The following THBS2 variants were observed in gnomAD, a reference collection of about 807,000 sequenced individuals.
The protein encoded by THBS2 is thrombospondin-2.
A neutral mutation model predicts 135.2 loss-of-function variants in THBS2; 47 were observed. The ratio of observed to expected loss-of-function variants is 0.35; its 90% CI spans 0.28 to 0.44. The LOEUF (loss-of-function observed/expected upper bound fraction) is 0.44. Among genes scored for constraint, THBS2 ranks in the 20% least tolerant of loss-of-function variants. The pLI is 1.00. For synonymous variants in THBS2, 639 were observed against 633.8 expected, an observed-to-expected ratio of 1.01 and a Z score of -0.12; for missense variants, 1,288 against 1,603.1, an observed-to-expected ratio of 0.80 and a Z score of 3.36.
Position 169,253,834 on chromosome 6 carries a change from G to C in THBS2, c.-133C>G, listed in dbSNP as rs1213045262. ...CCGGCCCTGCAGTGCAGGATGCTCC[G>C]GTGGACGTGGCCGAGCGGCTCCCGG... On this transcript the variant is annotated 5_prime_UTR_variant, in exon 1 of 22. Coordinates refer to ENST00000617924, the MANE Select transcript of THBS2 (RefSeq NM_003247.5). 6.6e-6 allele frequency: 1 copy of C among 152,262 alleles called. No homozygotes were observed. The highest frequency in any genetic ancestry group is 1.9e-4 in the East Asian group (1 of 5,200). The allele number at this position is 152,262 out of a possible 1,614,324, so 9.4% of individuals were successfully genotyped here.
chr6:169,220,230 A>G lies in THBS2; in HGVS notation c.3479T>C (p.Val1160Ala). ...LGLFVFSQEM[V>A]YFSDLKYECR... ...TTCGTACTTGAGGTCTGAGAAATAG[A>G]CCATTTCTTGAGAGAAGACAAATAG... The change falls in exon 21 of 22, where the codon GTC becomes GCC. Residue 1160 changes from valine to alanine, a missense_variant. By Grantham distance (64) the Val-to-Ala change is moderately conservative (BLOSUM62 0). Transcript: ENST00000617924. The G allele has an allele frequency of 6.2e-7, 1 of 1,613,796 alleles. No individual in the cohort carries two copies. The highest frequency in any genetic ancestry group is 8.5e-7 in the Non-Finnish European group (1 of 1,179,888).
chr6:169,231,719 G>A (rs997097022), intron 13 of THBS2, among the ~76,000 whole-genome samples: 1 of 152,208 alleles, frequency 6.6e-6, no homozygotes, highest in African/African-American at 2.4e-5. Context: ...AACGATGCGC[G>A]CAATTGCAAA....
In THBS2 at chr6:169,245,700, A is replaced by C. The variant is rs527519191; in HGVS notation, c.694+497T>G. 2.6e-5 allele frequency among the ~76,000 whole-genome samples: 4 copies of C among 151,720 alleles called. No individual in the cohort carries two copies. The East Asian group carries it at 7.8e-4, about 30-fold the overall frequency. On this transcript the variant is annotated intron_variant, in intron 4 of 21. Coordinates refer to ENST00000617924, the MANE Select transcript of THBS2 (RefSeq NM_003247.5). ...CCAGCTACTCAGGAGGCTGAGGCAG[A>C]AGAGTGGCGTGAACCCAGGAGGCAG...
In THBS2 at chr6:169,217,649, C is replaced by G; in HGVS notation, c.*173G>C. 1 of 599,540 alleles carries G rather than the reference C, an allele frequency of 1.7e-6. No individual in the cohort carries two copies. 37.1% of individuals were successfully genotyped at this position (599,540 alleles called of 1,614,324 possible). A position where few individuals can be genotyped will look rare whatever the true frequency, so the allele number is the denominator to read the frequency against. The stretch of plus-strand genomic sequence containing the variant: ...ATCTCTGAGTTCCATTGATATTTAT[C>G]CTCTGAAGGCACTTGGGTTTGGGGT... On this transcript the variant is annotated 3_prime_UTR_variant, in exon 22 of 22. Transcript: ENST00000617924.
Position 169,229,581 on chromosome 6 carries a change from G to A in THBS2, c.2250C>T (p.Thr750=), listed in dbSNP as rs143333491. The A allele has an allele frequency of 1.9e-5, 31 of 1,613,654 alleles. No individual in the cohort carries two copies. Among genetic ancestry groups the A allele is most frequent in the Middle Eastern group, 1.6e-4 (1 of 6,084 alleles). The part of the protein sequence containing the change: ...CDDDDDNDGV[T]DEKDNCQLLF... ...CACAAGCTGCTCCTACCTTCTCATC[G>A]GTCACACCGTCATTGTCATCGTCAT... is the stretch of plus-strand genomic sequence containing the variant. Residue 750 remains threonine (T), a synonymous_variant, in exon 14 of 22, where the codon ACC becomes ACT. Coordinates refer to ENST00000617924, the MANE Select transcript of THBS2 (RefSeq NM_003247.5).
chr6:169,240,432 G>A lies in THBS2; in HGVS notation c.1032+20C>T, dbSNP rs1458631584. The stretch of plus-strand genomic sequence containing the variant: ...CCGATGGTGGCCTCTTCCCCCAAGA[G>A]CCGTGTTCTGGGGCCTCACCTTGCA... On this transcript the variant is annotated intron_variant, in intron 6 of 21. Transcript: ENST00000617924. 2.5e-6 allele frequency: 4 copies of A among 1,611,122 alleles called. No homozygotes were observed. In the African/African-American group the frequency reaches 5.3e-5, roughly 22 times the overall value.
chr6:169,223,185 C>T, intron 18 of THBS2, 63 bp downstream of exon 18: 1 of 1,487,360 alleles, frequency 6.7e-7, no homozygotes, highest in Non-Finnish European at 9.2e-7. Flanking sequence ...GTGCAGTCTG[C>T]ATCTTCTGTG....
Position 169,226,234 on chromosome 6 carries a change from A to G in THBS2, c.2484T>C (p.Gly828=). ...VYNTDQRDTD[G]DGVGDHCDNC... is the part of the protein sequence containing the mutation. ...TGTCACAGTGATCCCCCACACCGTC[A>G]CCATCCGTGTCCCTCTGGTCAGTGT... Residue 828 remains glycine, a synonymous_variant, in exon 16 of 22, where the codon GGT becomes GGC. Coordinates refer to ENST00000617924, the MANE Select transcript of THBS2 (RefSeq NM_003247.5). 6.2e-7 allele frequency: 1 copy of G among 1,614,180 alleles called. No homozygotes were observed. Among genetic ancestry groups the G allele is most frequent in the Non-Finnish European group, 8.5e-7 (1 of 1,180,020 alleles).
intron 4 of THBS2, 132 bp from the exon 5 acceptor site, chr6:169,242,090 T>C (rs1264369832): frequency 1.9e-6 from 2 of 1,033,420 alleles, no homozygotes; most frequent in Admixed American, 2.7e-5. Context: ...GGCGGAGGAC[T>C]GGGCCAGCAG....
chr6:169,240,321 A>C, intron 6 of THBS2, 131 bp downstream of exon 6: 1 of 1,270,994 alleles, frequency 7.9e-7, no homozygotes, highest in Non-Finnish European at 1.1e-6. Flanking sequence ...TGTTTCTTAC[A>C]CTGAAATTTC....
Position 169,241,670 on chromosome 6 carries a change from C to T in THBS2, c.891+92G>A. The stretch of plus-strand genomic sequence containing the variant: ...TTTTTACATCGAGCATGAGGCACTG[C>T]CAAGCCAGGGAATGTTGATACCTGC... On this transcript the variant is annotated intron_variant, in intron 5 of 21. Coordinates refer to ENST00000617924, the MANE Select transcript of THBS2 (RefSeq NM_003247.5). The surrounding 1 kb of genome is among the most constrained non-coding windows in gnomAD (Gnocchi z 5.5). 7.3e-7 allele frequency: 1 copy of T among 1,369,454 alleles called. No individual in the cohort carries two copies. Among genetic ancestry groups the T allele is most frequent in the Non-Finnish European group, 1.0e-6 (1 of 999,832 alleles). 84.8% of individuals were successfully genotyped at this position (1,369,454 alleles called of 1,614,324 possible).
chr6:169,237,840 G>A (rs1280369324), intron 7 of THBS2, 45 bp from the exon 8 acceptor site: 3 of 1,587,446 alleles, frequency 1.9e-6, no homozygotes, highest in African/African-American at 2.7e-5. Context: ...CTGCCTCACA[G>A]ACGTGCCACA....
intron 16 of THBS2, 30 bp from the exon 17 acceptor site, chr6:169,225,409 G>A (rs1313456346): frequency 6.5e-7 from 1 of 1,546,294 alleles, no homozygotes; most frequent in Non-Finnish European, 8.8e-7. Context: ...AGAAACAGCA[G>A]AGGACTGCCA....
intron 3 of THBS2, among the ~76,000 whole-genome samples, chr6:169,247,164 TGAC>T (rs1780579188): frequency 6.6e-6 from 1 of 152,224 alleles, no homozygotes; most frequent in Admixed American, 6.5e-5. Context: ...CAATCTCAAC[TGAC>T]GATAATTAGT....
intron 13 of THBS2, among the ~76,000 whole-genome samples, 185 bp downstream of exon 13, chr6:169,231,795 T>C (rs1779843895): frequency 6.6e-6 from 1 of 152,100 alleles, no homozygotes; most frequent in African/African-American, 2.4e-5. Flanking sequence ...TGCCTGTGTC[T>C]ACTAAGGACC....
At position 169,241,681 on chromosome 6, in the gene THBS2, AATGTTG is replaced by A. The variant is rs1780302992; in HGVS notation, c.891+75_891+80del. ...AGCATGAGGCACTGCCAAGCCAGGG[AATGTTG>A]ATACCTGCTGAGATGGGCCAGCGGC... On this transcript the variant is annotated intron_variant, in intron 5 of 21. Coordinates refer to ENST00000617924, the MANE Select transcript of THBS2 (RefSeq NM_003247.5). The surrounding 1 kb of genome is among the most constrained non-coding windows in gnomAD (Gnocchi z 5.5). The A allele has an allele frequency of 2.8e-6, 4 of 1,410,476 alleles. No individual in the cohort carries two copies. The South Asian group carries it at 4.1e-5, about 14-fold the overall frequency. 87.4% of individuals were successfully genotyped at this position (1,410,476 alleles called of 1,614,324 possible).
At chr6:169,239,023 C>T (rs541115808) in intron 7 of THBS2, among the ~76,000 whole-genome samples, 15 of 152,226 alleles carry the variant, frequency 9.9e-5, no homozygotes, top group South Asian at 6.2e-4. Context: ...AGCACAGAGA[C>T]CTGAGGGCAG....
At position 169,248,498 on chromosome 6, in the gene THBS2, G is replaced by A. The variant is rs546944328; in HGVS notation, c.528C>T (p.Asp176=). Residue 176 remains aspartate, a synonymous_variant, in exon 3 of 22, where the codon GAC becomes GAT. Transcript: ENST00000617924. ...CCTGCAGGTGCTCGTAGAAGGGCTC[G>A]TCCAGAGCGAAGCTGTCTATGAGGT... ...GCDLIDSFAL[D]EPFYEHLQAE... The A allele has an allele frequency of 2.2e-5, 36 of 1,613,864 alleles. No individual in the cohort carries two copies. The highest frequency in any genetic ancestry group is 2.0e-4 in the Admixed American group (12 of 60,012).
chr6:169,252,462 A>T lies in THBS2; in HGVS notation c.-23+1262T>A, dbSNP rs1188680852. ...CCTGCAGAGGCCAGCCAAGAACAGGATGGTAAATGCGAAAGTTCTGGATGC... is the reference window on the plus strand; with the variant it reads ...CCTGCAGAGGCCAGCCAAGAACAGGTTGGTAAATGCGAAAGTTCTGGATGC... On this transcript the variant is annotated intron_variant, in intron 1 of 21. Coordinates refer to ENST00000617924, the MANE Select transcript of THBS2 (RefSeq NM_003247.5). The surrounding 1 kb of genome is among the most constrained non-coding windows in gnomAD (Gnocchi z 4.3). Among the ~76,000 whole-genome samples the T allele has an allele frequency of 6.6e-6, 1 of 152,242 alleles. No homozygotes were observed. Among genetic ancestry groups the T allele is most frequent in the African/African-American group, 2.4e-5 (1 of 41,472 alleles).
Sources: allele counts gnomAD v4.1 joint callset (sites outside exome capture counted in the v4.1 genomes callset), GRCh38; gene constraint gnomAD v4.1.1; non-coding constraint Gnocchi (gnomAD v3.1); transcripts MANE v1.5; gene names NCBI Gene and HGNC (gene_info 2026-07-23, HGNC 2026-07-21).